Variants in MLYCD observed in about 807,000 individuals in gnomAD.
The protein encoded by MLYCD is malonyl-CoA decarboxylase.
Under a neutral mutation model 35.8 loss-of-function variants are expected in MLYCD, and 27 were observed. The ratio of observed to expected loss-of-function variants is 0.75; its 90% CI spans 0.56 to 1.04. MLYCD has a LOEUF of 1.04. Among genes scored for constraint, MLYCD ranks in the 50% least tolerant of loss-of-function variants. The pLI is 0.00. For synonymous variants in MLYCD, 403 were observed against 302.4 expected, an observed-to-expected ratio of 1.33 and a Z score of -3.45; for missense variants, 917 against 665.1, an observed-to-expected ratio of 1.38 and a Z score of -4.17.
At chr16:83,910,816 G>T (rs1307673192) in intron 3 of MLYCD, among the ~76,000 whole-genome samples, 2 of 152,164 alleles carry the variant, frequency 1.3e-5, no homozygotes, top group Non-Finnish European at 2.9e-5. Flanking sequence ...GGCCTCGGAG[G>T]ATATGTCCTT....
In MLYCD at chr16:83,916,685, TGC is replaced by T. The variant is rs1907407952; in HGVS notation, c.*1198_*1199del. On this transcript the variant is annotated 3_prime_UTR_variant, in exon 5 of 5. Transcript: ENST00000262430. ...CTGTGTGTGTCAGTGCACGTCTGTG[TGC>T]GTGTGCACGAGCGTCTCTGTGTGTA... The T allele has an allele frequency of 7.2e-6, 1 of 138,756 alleles. No homozygotes were observed. The highest frequency in any genetic ancestry group is 2.6e-5 in the African/African-American group (1 of 37,868). The allele number at this position is 138,756 out of a possible 1,614,324, so 8.6% of individuals were successfully genotyped here.
intron 3 of MLYCD, among the ~76,000 whole-genome samples, chr16:83,910,515 C>T (rs1003642170): frequency 6.6e-6 from 1 of 151,836 alleles, no homozygotes; most frequent in Non-Finnish European, 1.5e-5. Flanking sequence ...CATGGTGAAA[C>T]CCCGTCTCTA....
rs1035770402 is a variant in MLYCD, at chr16:83,923,926, G to C, written c.*8437G>C. The C allele has an allele frequency of 6.6e-6, 1 of 152,354 alleles. No homozygotes were observed. The highest frequency in any genetic ancestry group is 1.5e-5 in the Non-Finnish European group (1 of 68,164). 9.4% of individuals were successfully genotyped at this position (152,354 alleles called of 1,614,324 possible). A position where few individuals can be genotyped will look rare whatever the true frequency, so the allele number is the denominator to read the frequency against. ...GCTGGGCTGAGAGACTGAGGACAGG[G>C]GGTGTTAGGGTGCTGACATTCTGGC... On this transcript the variant is annotated 3_prime_UTR_variant, in exon 5 of 5. Coordinates refer to ENST00000262430, the MANE Select transcript of MLYCD (RefSeq NM_012213.3).
chr16:83,908,320 C>T (rs1317444488), intron 3 of MLYCD, 38 bp downstream of exon 3: 2 of 1,607,992 alleles, frequency 1.2e-6, no homozygotes, highest in East Asian at 2.2e-5. Context: ...GATGGGCACC[C>T]CATAGAGCCC....
At position 83,917,489 on chromosome 16, in the gene MLYCD, C is replaced by G. The variant is rs1428274896; in HGVS notation, c.*2000C>G. The G allele has an allele frequency of 1.3e-5, 2 of 154,534 alleles. No homozygotes were observed. Among genetic ancestry groups the G allele is most frequent in the Non-Finnish European group, 2.9e-5 (2 of 68,224 alleles). 9.6% of individuals were successfully genotyped at this position (154,534 alleles called of 1,614,324 possible). On this transcript the variant is annotated 3_prime_UTR_variant, in exon 5 of 5. Transcript: ENST00000262430. Reference sequence around the variant, plus strand: ...CAGACAGGTCCCTCACCTTCCTTGCCTTTCATCTCCTGTGACCCTCGCCAG... The same window carrying G: ...CAGACAGGTCCCTCACCTTCCTTGCGTTTCATCTCCTGTGACCCTCGCCAG...
chr16:83,915,578 C>A lies in MLYCD; in HGVS notation c.*89C>A, dbSNP rs973079711. Reference sequence around the variant, plus strand: ...GGAGTTATGTATCTGAAGCAGCTTTCCAAGCAAAGCCAAAGTTGACTGTGT... The same window carrying A: ...GGAGTTATGTATCTGAAGCAGCTTTACAAGCAAAGCCAAAGTTGACTGTGT... On this transcript the variant is annotated 3_prime_UTR_variant, in exon 5 of 5. Coordinates refer to ENST00000262430, the MANE Select transcript of MLYCD (RefSeq NM_012213.3). 5 of 1,552,548 alleles carry A rather than the reference C, an allele frequency of 3.2e-6. No homozygotes were observed. Among genetic ancestry groups the A allele is most frequent in the African/African-American group, 1.4e-5 (1 of 73,996 alleles).
At position 83,907,124 on chromosome 16, in the gene MLYCD, T is replaced by C. The variant is rs751654196; in HGVS notation, c.641+25T>C. ...AGTAAGTATTACGGTTTTCATTTTC[T>C]TTGTACATACATTTTTCATATATAT... On this transcript the variant is annotated intron_variant, in intron 2 of 4. Coordinates refer to ENST00000262430, the MANE Select transcript of MLYCD (RefSeq NM_012213.3). 6 of 1,552,324 alleles carry C rather than the reference T, an allele frequency of 3.9e-6. No individual in the cohort carries two copies. The South Asian group carries it at 6.7e-5, about 17-fold the overall frequency.
chr16:83,905,608 C>T (rs529050618), intron 1 of MLYCD, among the ~76,000 whole-genome samples: 147 of 152,276 alleles, frequency 9.7e-4, no homozygotes, highest in African/African-American at 3.4e-3. Context: ...GCCATCACAC[C>T]GCCTTCCAGT....
At position 83,899,462 on chromosome 16, in the gene MLYCD, C is replaced by T. The variant is rs1302690784; in HGVS notation, c.318C>T (p.Ser106=). ...ACCACGGCCAGGTGGCGGAGCAGAGCGCCGGCGTGCTCCATCTGCGCCAGC... is the reference window on the plus strand; with the variant it reads ...ACCACGGCCAGGTGGCGGAGCAGAGTGCCGGCGTGCTCCATCTGCGCCAGC... ...GVDHGQVAEQ[S]AGVLHLRQQQ... is the part of the protein sequence containing the mutation. Residue 106 remains serine (S), a synonymous_variant, in exon 1 of 5, where the codon AGC becomes AGT. Coordinates refer to ENST00000262430, the MANE Select transcript of MLYCD (RefSeq NM_012213.3). 1 of 1,536,200 alleles carries T rather than the reference C, an allele frequency of 6.5e-7. No individual in the cohort carries two copies. The highest frequency in any genetic ancestry group is 8.7e-7 in the Non-Finnish European group (1 of 1,151,766).
At chr16:83,907,358 C>G (rs761055419) in intron 2 of MLYCD, among the ~76,000 whole-genome samples, 1 of 152,170 alleles carries the variant, frequency 6.6e-6, no homozygotes, top group Non-Finnish European at 1.5e-5. Context: ...TTTGTGTCCT[C>G]TTATTTAAAG....
chr16:83,919,206 A>G lies in MLYCD; in HGVS notation c.*3717A>G, dbSNP rs1907555524. 1 of 146,518 alleles carries G rather than the reference A, an allele frequency of 6.8e-6. No homozygotes were observed. The highest frequency in any genetic ancestry group is 6.8e-5 in the Admixed American group (1 of 14,792). 9.1% of individuals were successfully genotyped at this position (146,518 alleles called of 1,614,324 possible). A position where few individuals can be genotyped will look rare whatever the true frequency, so the allele number is the denominator to read the frequency against. On this transcript the variant is annotated 3_prime_UTR_variant, in exon 5 of 5. Coordinates refer to ENST00000262430, the MANE Select transcript of MLYCD (RefSeq NM_012213.3). ...GGAGAATTCACACACAATGCACAGGAGAACACAGTGCACAGGAGAACACAC... is the reference window on the plus strand; with the variant it reads ...GGAGAATTCACACACAATGCACAGGGGAACACAGTGCACAGGAGAACACAC...
Position 83,915,291 on chromosome 16 carries a change from G to A in MLYCD, c.1284G>A (p.Ala428=), listed in dbSNP as rs1205978566. 8.7e-6 allele frequency: 14 copies of A among 1,613,426 alleles called. No individual in the cohort carries two copies. The highest frequency in any genetic ancestry group is 2.7e-5 in the African/African-American group (2 of 75,058). ...PVANFHLQNG[A]VLWRINWMAD... is the part of the protein sequence containing the mutation. Reference sequence around the variant, plus strand: ...CCAACTTCCACCTGCAGAACGGGGCGGTGCTGTGGCGCATCAACTGGATGG... The same window carrying A: ...CCAACTTCCACCTGCAGAACGGGGCAGTGCTGTGGCGCATCAACTGGATGG... The change falls in exon 5 of 5, where the codon GCG becomes GCA. Residue 428 remains alanine (A), a synonymous_variant. Transcript: ENST00000262430.
At chr16:83,900,387 C>A (rs1906741984) in intron 1 of MLYCD, among the ~76,000 whole-genome samples, 1 of 152,200 alleles carries the variant, frequency 6.6e-6, no homozygotes, top group African/African-American at 2.4e-5. Context: ...ATATACTCTT[C>A]TTTTATACTG....
chr16:83,902,632 A>T (rs1906838176), intron 1 of MLYCD, among the ~76,000 whole-genome samples: 2 of 150,736 alleles, frequency 1.3e-5, no homozygotes, highest in Non-Finnish European at 2.9e-5. Context: ...CAGCCTCCTG[A>T]GTAGCTGGGA....
At chr16:83,912,417 G>C in intron 4 of MLYCD, 50 bp downstream of exon 4, 1 of 1,612,484 alleles carries the variant, frequency 6.2e-7, no homozygotes, top group East Asian at 2.2e-5. Context: ...CGTGTGGTCA[G>C]GTCAGCGAAC....
At chr16:83,914,889 G>A in intron 4 of MLYCD, 67 bp from the exon 5 acceptor site, 1 of 1,608,014 alleles carries the variant, frequency 6.2e-7, no homozygotes, top group Non-Finnish European at 8.5e-7. Context: ...GTGCTCCTCT[G>A]TTGGTAACGT....
intron 3 of MLYCD, chr16:83,911,736 T>G (rs1308069135): frequency 4.9e-6 from 1 of 204,858 alleles, no homozygotes; most frequent in Non-Finnish European, 1.0e-5. Flanking sequence ...ATAGGACTGC[T>G]TATAGCCTCT....
rs1269929040 is a variant in MLYCD at position 83,916,228 on chromosome 16, G to A, written c.*739G>A. 3.0e-6 allele frequency: 3 copies of A among 987,412 alleles called. No individual in the cohort carries two copies. Among genetic ancestry groups the A allele is most frequent in the African/African-American group, 3.5e-5 (2 of 57,322 alleles). The allele number at this position is 987,412 out of a possible 1,614,324, so 61.2% of individuals were successfully genotyped here. A position where few individuals can be genotyped will look rare whatever the true frequency, so the allele number is the denominator to read the frequency against. On this transcript the variant is annotated 3_prime_UTR_variant, in exon 5 of 5. Coordinates refer to ENST00000262430, the MANE Select transcript of MLYCD (RefSeq NM_012213.3). ...GTCGTCTTTAAGATTAGAGACCTGGGAAGGCTGGAATCAGCCAGCCAGCCT... is the reference window on the plus strand; with the variant it reads ...GTCGTCTTTAAGATTAGAGACCTGGAAAGGCTGGAATCAGCCAGCCAGCCT...
Position 83,899,285 on chromosome 16 carries a change from G to A in MLYCD, c.141G>A (p.Ala47=), listed in dbSNP as rs1299355806. 1.4e-6 allele frequency: 2 copies of A among 1,474,156 alleles called. No homozygotes were observed. Among genetic ancestry groups the A allele is most frequent in the Admixed American group, 2.3e-5 (1 of 43,628 alleles). 91.3% of individuals were successfully genotyped at this position (1,474,156 alleles called of 1,614,324 possible). A position where few individuals can be genotyped will look rare whatever the true frequency, so the allele number is the denominator to read the frequency against. Residue 47 remains alanine, a synonymous_variant, in exon 1 of 5, where the codon GCG becomes GCA. Transcript: ENST00000262430. The stretch of plus-strand genomic sequence containing the variant: ...CCATGGACGAGCTGCTGCGCCGCGC[G>A]GTGCCGCCGACGCCGGCCTACGAGC... The part of the protein sequence containing the change: ...ERAMDELLRR[A]VPPTPAYELR...
Sources: allele counts gnomAD v4.1 joint callset (sites outside exome capture counted in the v4.1 genomes callset), GRCh38; gene constraint gnomAD v4.1.1; transcripts MANE v1.5; gene names NCBI Gene and HGNC (gene_info 2026-07-23, HGNC 2026-07-21).